The following ARID1B variants were observed in gnomAD, a reference collection of about 807,000 sequenced individuals.
The protein encoded by ARID1B is AT-rich interaction domain 1B.
Under a neutral mutation model 212.3 loss-of-function variants are expected in ARID1B, and 30 were observed. That is an observed-to-expected ratio of 0.14 (90% CI 0.11 to 0.19). The LOEUF is 0.19. ARID1B is among the 10% of genes least tolerant of loss of function. ARID1B has a pLI of 1.00. For synonymous variants in ARID1B, 1,402 were observed against 1,301.7 expected (o/e 1.08, Z -1.66); for missense variants, 2,891 against 3,204.0 (o/e 0.90, Z 2.36).
intron 1 of ARID1B, among the ~76,000 whole-genome samples, chr6:156,815,777 C>T (rs948161734): frequency 1.3e-5 from 2 of 152,134 alleles, no homozygotes; most frequent in Middle Eastern, 3.2e-3. Flanking sequence ...ATATAAAAAT[C>T]GACAGGTAAG....
chr6:156,821,837 GAAAACC>G (rs934822823), intron 1 of ARID1B, among the ~76,000 whole-genome samples: 1 of 152,132 alleles, frequency 6.6e-6, no homozygotes, highest in African/African-American at 2.4e-5. Flanking sequence ...CCTTGCTTAA[GAAAACC>G]AAAACCAAGA....
At chr6:157,096,879 A>G (rs1785674723) in intron 5 of ARID1B, among the ~76,000 whole-genome samples, 1 of 152,190 alleles carries the variant, frequency 6.6e-6, no homozygotes, top group African/African-American at 2.4e-5. Flanking sequence ...TTATTTAAAC[A>G]CCCAAATGTA....
intron 4 of ARID1B, among the ~76,000 whole-genome samples, chr6:157,074,709 C>T (rs544250432): frequency 6.6e-6 from 1 of 152,104 alleles, no homozygotes; most frequent in African/African-American, 2.4e-5. Flanking sequence ...TTTGGGAGTC[C>T]CATGTCTTAT....
intron 1 of ARID1B, among the ~76,000 whole-genome samples, chr6:156,811,390 G>A (rs1185026111): frequency 1.3e-5 from 2 of 152,168 alleles, no homozygotes; most frequent in African/African-American, 4.8e-5. Context: ...CCAACTACAG[G>A]TTGTGTGTTA....
intron 4 of ARID1B, among the ~76,000 whole-genome samples, chr6:157,005,365 G>A (rs1346879081): frequency 1.3e-5 from 2 of 151,846 alleles, no homozygotes; most frequent in Non-Finnish European, 1.5e-5. Flanking sequence ...CATATTGGCC[G>A]GGCTGTTCTC....
intron 8 of ARID1B, among the ~76,000 whole-genome samples, chr6:157,154,555 G>A (rs1790422857): frequency 7.3e-6 from 1 of 137,578 alleles, no homozygotes; most frequent in Admixed American, 7.2e-5. Context: ...TCCTGTTGTT[G>A]TTCTGCTCTT....
chr6:156,848,881 C>G (rs2128103348), intron 2 of ARID1B, among the ~76,000 whole-genome samples: 1 of 152,304 alleles, frequency 6.6e-6, no homozygotes, highest in Non-Finnish European at 1.5e-5. Flanking sequence ...TGATGGCAGT[C>G]CCTTTCTTCT....
chr6:157,193,186 A>T (rs1413860404), intron 15 of ARID1B, among the ~76,000 whole-genome samples: 2 of 152,180 alleles, frequency 1.3e-5, no homozygotes, highest in Non-Finnish European at 2.9e-5. Flanking sequence ...ACATAGCTCT[A>T]CTTTTTTTAA....
intron 3 of ARID1B, among the ~76,000 whole-genome samples, chr6:156,914,117 C>T (rs1482869857): frequency 2.0e-5 from 3 of 147,410 alleles, no homozygotes; most frequent in Non-Finnish European, 4.5e-5. Context: ...GCCCATGGTG[C>T]CCCCTTTCCA....
intron 2 of ARID1B, among the ~76,000 whole-genome samples, chr6:156,843,416 A>G (rs287903): frequency 0.16 from 24,462 of 152,196 alleles, 2,154 homozygotes; most frequent in Middle Eastern, 0.2. Context: ...ACAGTTGTTC[A>G]GTCCTGTACT....
intron 2 of ARID1B, among the ~76,000 whole-genome samples, chr6:156,841,592 A>T (rs932972058): frequency 2.0e-5 from 3 of 152,178 alleles, no homozygotes; most frequent in Non-Finnish European, 4.4e-5. Flanking sequence ...TCTTATGCTA[A>T]GTACTTTTAC....
chr6:157,179,810 CT>C (rs1792377214), intron 11 of ARID1B, among the ~76,000 whole-genome samples: 3 of 152,158 alleles, frequency 2.0e-5, no homozygotes, highest in Non-Finnish European at 4.4e-5. Flanking sequence ...CCTACTTTTA[CT>C]GGAGATCATT....
At chr6:156,998,144 T>C (rs1778703935) in intron 4 of ARID1B, among the ~76,000 whole-genome samples, 1 of 151,970 alleles carries the variant, frequency 6.6e-6, no homozygotes, top group African/African-American at 2.4e-5. Context: ...GTTCGTGATA[T>C]GACAGTAGAG....
chr6:157,084,058 C>G (rs1487115003), intron 4 of ARID1B, among the ~76,000 whole-genome samples: 1 of 151,440 alleles, frequency 6.6e-6, no homozygotes, highest in East Asian at 1.9e-4. Context: ...CGCTTGAACC[C>G]AGGATGCAGA....
intron 4 of ARID1B, among the ~76,000 whole-genome samples, chr6:157,015,851 C>T (rs1468982281): frequency 6.6e-6 from 1 of 152,234 alleles, no homozygotes; most frequent in Admixed American, 6.5e-5. Flanking sequence ...CCCACTGCTA[C>T]ATACATCCCC....
chr6:157,139,237 G>A (rs73021540), intron 7 of ARID1B, among the ~76,000 whole-genome samples: 8,400 of 152,250 alleles, frequency 0.055, 273 homozygotes, highest in Non-Finnish European at 0.069. Context: ...GTGACCGAGC[G>A]CACCACCGTA....
intron 2 of ARID1B, among the ~76,000 whole-genome samples, chr6:156,877,744 C>T (rs1001098485): frequency 1.3e-5 from 2 of 150,936 alleles, no homozygotes; most frequent in African/African-American, 4.9e-5. Context: ...GAGTCTCGCT[C>T]TGTCACCCAG....
intron 9 of ARID1B, chr6:157,173,486 G>C (rs1054614088): frequency 6.6e-6 from 1 of 152,226 alleles, no homozygotes; most frequent in Non-Finnish European, 1.5e-5. Flanking sequence ...TGCTGTGATT[G>C]TCTTCCCTTA....
chr6:157,064,526 T>A (rs1018998603), intron 4 of ARID1B, among the ~76,000 whole-genome samples: 2 of 152,174 alleles, frequency 1.3e-5, no homozygotes, highest in African/African-American at 2.4e-5. Flanking sequence ...TTTGTTTAAT[T>A]TTTACTCTTC....
Sources: gnomAD v4.1 joint callset for allele counts (sites outside exome capture counted in the v4.1 genomes callset) on GRCh38, gnomAD v4.1.1 for gene constraint, MANE v1.5 for transcripts, NCBI Gene and HGNC (gene_info 2026-07-23, HGNC 2026-07-21) for gene names.